RSRC1: variants seen among roughly 807,000 people sequenced by gnomAD.
The protein encoded by RSRC1 is arginine and serine rich coiled-coil 1, also known as serine/Arginine-related protein 53.
In RSRC1, 39 loss-of-function variants were observed where a neutral mutation model predicts 49.1. The observed-to-expected ratio is 0.79, with a 90% confidence interval of 0.61 to 1.04. The LOEUF (loss-of-function observed/expected upper bound fraction) is 1.04, where lower values mean the gene tolerates loss of function less well. Ranked by LOEUF, RSRC1 falls within the 50% of genes least tolerant of loss-of-function variation. The probability of loss-of-function intolerance (pLI) is 0.00; values close to 1 mark genes in which losing one functional copy is unlikely to be tolerated. For missense variants in RSRC1, 388 were observed against 402.4 expected, an observed-to-expected ratio of 0.96 and a Z score of 0.31; for synonymous variants, 143 against 130.8, an observed-to-expected ratio of 1.09 and a Z score of -0.63.
intron 5 of RSRC1, among the ~76,000 whole-genome samples, chr3:158,316,905 G>T (rs1366462823): frequency 6.6e-6 from 1 of 152,122 alleles, no homozygotes; most frequent in East Asian, 1.9e-4. Context: ...AATTTACTAT[G>T]TAACTTGAGA....
chr3:158,301,984 T>G (rs1727571928), intron 5 of RSRC1, among the ~76,000 whole-genome samples: 1 of 76,116 alleles, frequency 1.3e-5, no homozygotes, highest in Admixed American at 1.4e-4. Context: ...TTTTTTGGGG[T>G]TTTTTTGTTT....
At chr3:158,125,808 A>T (rs1715586957) in intron 3 of RSRC1, among the ~76,000 whole-genome samples, 1 of 152,124 alleles carries the variant, frequency 6.6e-6, no homozygotes, top group African/African-American at 2.4e-5. Context: ...GATTATTGAA[A>T]TACCCTACTA....
intron 6 of RSRC1, among the ~76,000 whole-genome samples, chr3:158,406,197 A>G (rs1408698058): frequency 3.3e-5 from 5 of 152,108 alleles, no homozygotes; most frequent in African/African-American, 1.2e-4. Context: ...TCATAAGCTT[A>G]TTATAAAATT....
At chr3:158,261,624 C>G (rs2108036295) in intron 4 of RSRC1, among the ~76,000 whole-genome samples, 1 of 152,342 alleles carries the variant, frequency 6.6e-6, no homozygotes, top group South Asian at 2.1e-4. Context: ...TACAGCCACT[C>G]ACCATCGCTT....
rs58689210 is a variant in RSRC1 at position 158,487,949 on chromosome 3, G to GAAAAAAAAA, written c.652+26963_652+26971dup. ...TAGGAGACAAGAGACTCCATCTCAA[G>GAAAAAAAAA]AAAAAAAAAAAAAAAAAAAAAAAAA... On this transcript the variant is annotated intron_variant, in intron 7 of 9. Transcript: ENST00000611884. 1.6e-3 allele frequency among the ~76,000 whole-genome samples: 47 copies of GAAAAAAAAA among 28,926 alleles called. 2 individuals are homozygous for GAAAAAAAAA. Among genetic ancestry groups the GAAAAAAAAA allele is most frequent in the African/African-American group, 2.0e-3 (15 of 7,488 alleles). 19.0% of individuals were successfully genotyped at this position (28,926 alleles called of 152,430 possible).
At chr3:158,241,062 G>A (rs1053980695) in intron 4 of RSRC1, among the ~76,000 whole-genome samples, 10 of 152,156 alleles carry the variant, frequency 6.6e-5, no homozygotes, top group Admixed American at 6.5e-5. Flanking sequence ...ATGTATGTAT[G>A]TATAGGAAAA....
At chr3:158,118,946 C>T (rs150306476) in intron 1 of RSRC1, among the ~76,000 whole-genome samples, 90 of 152,216 alleles carry the variant, frequency 5.9e-4, no homozygotes, top group Non-Finnish European at 8.4e-4. Context: ...ACACAGAGGG[C>T]TATGACTTTT....
intron 4 of RSRC1, among the ~76,000 whole-genome samples, chr3:158,205,938 T>C (rs956578542): frequency 1.2e-4 from 19 of 152,230 alleles, no homozygotes; most frequent in Middle Eastern, 3.4e-3. Context: ...TTGGAGAAGA[T>C]TGGGCTAGAT....
At chr3:158,161,648 G>C (rs1283313501) in intron 3 of RSRC1, among the ~76,000 whole-genome samples, 1 of 152,144 alleles carries the variant, frequency 6.6e-6, no homozygotes. Flanking sequence ...TGTAATCCCA[G>C]GTACTTGGGA....
At chr3:158,112,186 C>G (rs899627561) in intron 1 of RSRC1, among the ~76,000 whole-genome samples, 2 of 152,206 alleles carry the variant, frequency 1.3e-5, no homozygotes, top group African/African-American at 4.8e-5. Flanking sequence ...CTCTAAAAGC[C>G]TGTGCTCCAT....
Position 158,349,101 on chromosome 3 carries a change from G to A in RSRC1, c.532-5756G>A, listed in dbSNP as rs58333223. On this transcript the variant is annotated intron_variant, in intron 5 of 9. Transcript: ENST00000611884. ...TTTTTTTTTGGGTAATGAGATTACA[G>A]GATTGAATGGTGGTTCTATTTTTAT... Among the ~76,000 whole-genome samples the A allele has an allele frequency of 2.3e-3, 346 of 152,044 alleles. 1 individual carries two copies. The highest frequency in any genetic ancestry group is 7.6e-3 in the African/African-American group (315 of 41,424).
chr3:158,471,817 T>C (rs1467504020), intron 7 of RSRC1, among the ~76,000 whole-genome samples: 1 of 152,092 alleles, frequency 6.6e-6, no homozygotes, highest in African/African-American at 2.4e-5. Flanking sequence ...TTGAATCCTA[T>C]CCAACCAACG....
intron 6 of RSRC1, among the ~76,000 whole-genome samples, chr3:158,381,063 C>T (rs1732670981): frequency 6.6e-6 from 1 of 151,978 alleles, no homozygotes; most frequent in Admixed American, 6.5e-5. Flanking sequence ...TCACGTATGT[C>T]GTGAATGTAT....
rs114979940 is a variant in RSRC1, at chr3:158,430,903, T to C, written c.584-30032T>C. On this transcript the variant is annotated intron_variant, in intron 6 of 9. Coordinates refer to ENST00000611884, the MANE Select transcript of RSRC1 (RefSeq NM_001271838.2). ...AAAGGTTAGGAAAACTCTTTGTTGCTATTTTGGTGGTATCAAAAAATGGTT... is the reference window on the plus strand; with the variant it reads ...AAAGGTTAGGAAAACTCTTTGTTGCCATTTTGGTGGTATCAAAAAATGGTT... 8.9e-3 allele frequency among the ~76,000 whole-genome samples: 1,359 copies of C among 152,094 alleles called. 19 individuals are homozygous for C. The highest frequency in any genetic ancestry group is 0.032 in the African/African-American group (1,309 of 41,540).
At chr3:158,155,532 T>C (rs1030552371) in intron 3 of RSRC1, among the ~76,000 whole-genome samples, 1 of 151,716 alleles carries the variant, frequency 6.6e-6, no homozygotes, top group Non-Finnish European at 1.5e-5. Context: ...CCTCTCAGGC[T>C]GAAGTGATCC....
intron 4 of RSRC1, among the ~76,000 whole-genome samples, chr3:158,204,039 T>A (rs899112955): frequency 5.9e-5 from 9 of 152,158 alleles, no homozygotes; most frequent in African/African-American, 1.9e-4. Flanking sequence ...TGTCAGTCTT[T>A]CAGTGTCTTG....
chr3:158,413,047 A>G (rs892473505), intron 6 of RSRC1, among the ~76,000 whole-genome samples: 1 of 152,168 alleles, frequency 6.6e-6, no homozygotes, highest in Non-Finnish European at 1.5e-5. Flanking sequence ...ATCCTAAGCA[A>G]AAAGAACAAA....
chr3:158,532,273 ACTTGT>A (rs1237308207), intron 7 of RSRC1, among the ~76,000 whole-genome samples: 1 of 151,952 alleles, frequency 6.6e-6, no homozygotes, highest in African/African-American at 2.4e-5. Context: ...GCTGGTTGTT[ACTTGT>A]CATGATCACA....
chr3:158,212,118 C>T (rs1450762155), intron 4 of RSRC1, among the ~76,000 whole-genome samples: 1 of 151,862 alleles, frequency 6.6e-6, no homozygotes, highest in Admixed American at 6.6e-5. Context: ...GTTACGATTA[C>T]AAATTACCTT....
Sources: allele counts gnomAD v4.1 joint callset (sites outside exome capture counted in the v4.1 genomes callset), GRCh38; gene constraint gnomAD v4.1.1; transcripts MANE v1.5; gene names NCBI Gene and HGNC (gene_info 2026-07-23, HGNC 2026-07-21).